Variants in NFATC2 observed in about 807,000 individuals in gnomAD.
NFATC2 encodes the protein nuclear factor of activated T cells 2, also known as nuclear factor of activated T-cells, cytoplasmic 2.
Under a neutral mutation model 87.3 loss-of-function variants are expected in NFATC2, and 22 were observed. That is an observed-to-expected ratio of 0.25 (90% confidence interval 0.18 to 0.36). The LOEUF (loss-of-function observed/expected upper bound fraction) is 0.36, where lower values mean the gene tolerates loss of function less well. Ranked by LOEUF, NFATC2 falls within the 10% of genes least tolerant of loss-of-function variation. NFATC2 has a pLI of 1.00. For missense variants in NFATC2, 1,149 were observed against 1,259.1 expected (o/e 0.91, Z 1.32); for synonymous variants, 565 against 542.2 (o/e 1.04, Z -0.58).
Position 51,470,145 on chromosome 20 carries a change from A to T in NFATC2, c.1708+3835T>A, listed in dbSNP as rs572395513. ...ATCATGGGTAGGCTTGTTGTTGGGG[A>T]AGACGGGGGTGATCCCTCTGACCTC... On this transcript the variant is annotated intron_variant, in intron 5 of 10. Coordinates refer to ENST00000371564, the MANE Select transcript of NFATC2 (RefSeq NM_012340.5). Among the ~76,000 whole-genome samples the T allele has an allele frequency of 6.6e-5, 10 of 152,086 alleles. No homozygotes were observed. The East Asian group carries it at 1.7e-3, about 26-fold the overall frequency.
chr20:51,415,245 C>CAAA (rs33978165), intron 9 of NFATC2, among the ~76,000 whole-genome samples: 1,976 of 136,490 alleles, frequency 0.014, 26 homozygotes, highest in South Asian at 0.028. Flanking sequence ...GACCCTGTAT[C>CAAA]AAAAAAAAAA....
At chr20:51,558,907 A>G (rs921877847) in intron 1 of NFATC2, among the ~76,000 whole-genome samples, 3 of 152,206 alleles carry the variant, frequency 2.0e-5, no homozygotes, top group Non-Finnish European at 2.9e-5. Context: ...GATAGTAGCA[A>G]TGTTACCTGG....
At chr20:51,482,331 T>C (rs1736977710) in intron 3 of NFATC2, among the ~76,000 whole-genome samples, 1 of 150,030 alleles carries the variant, frequency 6.7e-6, no homozygotes, top group Non-Finnish European at 1.5e-5. Flanking sequence ...GATACAAAGA[T>C]AAAAAGGCAT....
intron 1 of NFATC2, among the ~76,000 whole-genome samples, chr20:51,537,907 A>G (rs766585149): frequency 3.9e-4 from 59 of 152,234 alleles, no homozygotes; most frequent in Non-Finnish European, 4.8e-4. Context: ...TAAAATGGAT[A>G]ATTTCCCAGA....
At chr20:51,412,240 C>A (rs188639423) in intron 9 of NFATC2, among the ~76,000 whole-genome samples, 130 of 152,274 alleles carry the variant, frequency 8.5e-4, no homozygotes, top group African/African-American at 2.9e-3. Flanking sequence ...TGGTGTGAGC[C>A]CCCATGACTG....
At chr20:51,443,626 G>A (rs193250944) in intron 6 of NFATC2, among the ~76,000 whole-genome samples, 7 of 152,270 alleles carry the variant, frequency 4.6e-5, no homozygotes, top group Admixed American at 3.9e-4. Context: ...CAGAAGTTCC[G>A]TATAATCCAC....
At chr20:51,535,176 ATCC>A (rs1317265150) in intron 1 of NFATC2, among the ~76,000 whole-genome samples, 2 of 152,182 alleles carry the variant, frequency 1.3e-5, no homozygotes, top group Admixed American at 1.3e-4. Flanking sequence ...ACTTCAGATA[ATCC>A]TCCTGCAACA....
At chr20:51,477,533 GTCTATATATATA>G (rs1444366658) in intron 3 of NFATC2, among the ~76,000 whole-genome samples, 5 of 68,546 alleles carry the variant, frequency 7.3e-5, no homozygotes, top group South Asian at 5.1e-4. Context: ...GTGTGTGTGT[GTCTATATATATA>G]TATATATATA....
rs777397667 is a variant in NFATC2, at chr20:51,388,280, C to CTAGACACTTGAT, written c.*3204_*3215dup. 6.6e-6 allele frequency: 1 copy of CTAGACACTTGAT among 152,132 alleles called. No individual in the cohort carries two copies. Among genetic ancestry groups the CTAGACACTTGAT allele is most frequent in the Non-Finnish European group, 1.5e-5 (1 of 68,022 alleles). 9.4% of individuals were successfully genotyped at this position (152,132 alleles called of 1,614,324 possible). A position where few individuals can be genotyped will look rare whatever the true frequency, so the allele number is the denominator to read the frequency against. On this transcript the variant is annotated 3_prime_UTR_variant, in exon 11 of 11. Coordinates refer to ENST00000371564, the MANE Select transcript of NFATC2 (RefSeq NM_012340.5). ...AAATTAGTTATTTTGGGGGGAGGATCTAGACACTTGATGATTCTCAGTGAC... is the reference window on the plus strand; with the variant it reads ...AAATTAGTTATTTTGGGGGGAGGATCTAGACACTTGATTAGACACTTGATGATTCTCAGTGAC...
chr20:51,398,609 G>GAAAAC, intron 10 of NFATC2, 34 bp downstream of exon 10: 1 of 1,486,652 alleles, frequency 6.7e-7, no homozygotes, highest in Non-Finnish European at 9.2e-7. Flanking sequence ...CACACAGCTG[G>GAAAAC]AAAACAAAAG....
rs1382157627 is a variant in NFATC2, at chr20:51,390,340, T to C, written c.*1156A>G. The C allele has an allele frequency of 6.6e-6, 1 of 152,236 alleles. No homozygotes were observed. Among genetic ancestry groups the C allele is most frequent in the Admixed American group, 6.5e-5 (1 of 15,280 alleles). 9.4% of individuals were successfully genotyped at this position (152,236 alleles called of 1,614,324 possible). On this transcript the variant is annotated 3_prime_UTR_variant, in exon 11 of 11. Coordinates refer to ENST00000371564, the MANE Select transcript of NFATC2 (RefSeq NM_012340.5). ...GAGGGAATTCAGCCCTTTTCCTCTA[T>C]CTTGGTAGAAACCCACCTCCAGAAG...
chr20:51,463,171 C>A (rs1204292033), intron 5 of NFATC2, among the ~76,000 whole-genome samples: 1 of 152,240 alleles, frequency 6.6e-6, no homozygotes, highest in African/African-American at 2.4e-5. Context: ...GCAGGGCCAG[C>A]AGACAGGCCC....
chr20:51,400,145 C>A (rs951194876), intron 9 of NFATC2, among the ~76,000 whole-genome samples: 1 of 152,150 alleles, frequency 6.6e-6, no homozygotes, highest in Non-Finnish European at 1.5e-5. Flanking sequence ...AAACCAACAA[C>A]CTCCACTGCC....
At chr20:51,501,926 C>T (rs1349670977) in intron 3 of NFATC2, among the ~76,000 whole-genome samples, 1 of 152,210 alleles carries the variant, frequency 6.6e-6, no homozygotes, top group African/African-American at 2.4e-5. Flanking sequence ...CAAAAGCAAC[C>T]AGAGACAATA....
intron 3 of NFATC2, among the ~76,000 whole-genome samples, chr20:51,498,124 T>C (rs983759345): frequency 2.0e-5 from 3 of 152,186 alleles, no homozygotes; most frequent in African/African-American, 7.2e-5. Flanking sequence ...AGCTTGGGCA[T>C]GTCCTAGTGA....
rs745532502 is a variant in NFATC2, at chr20:51,523,221, G to A, written c.1020C>T (p.Gly340=). 3 of 1,613,730 alleles carry A rather than the reference G, an allele frequency of 1.9e-6. No individual in the cohort carries two copies. The highest frequency in any genetic ancestry group is 1.3e-5 in the African/African-American group (1 of 74,942). Residue 340 remains glycine (G), a synonymous_variant, in exon 2 of 11, where the codon GGC becomes GGT. Transcript: ENST00000371564. This position sits in a 1 kb window ranked among gnomAD's most constrained non-coding sequence, Gnocchi z 6.9. The part of the protein sequence containing the change: ...SPVSAAPSKA[G]LPRHIYPAVE... ...CGGCCGGGTAGATGTGGCGAGGCAG[G>A]CCGGCCTTGGATGGGGCGGCAGACA...
In NFATC2 at chr20:51,542,482, C is replaced by G. The variant is rs747114063; in HGVS notation, c.18G>C (p.Arg6=). ...CGTCCCCGCCGTCGGGTTGGGGCTG[C>G]CGCTCGGGGGCGTTCATGGCGCGCA... MNAPE[R]QPQPDGGDAP... The change falls in exon 1 of 11, where the codon CGG becomes CGC. Residue 6 remains arginine (R), a synonymous_variant. Coordinates refer to ENST00000371564, the MANE Select transcript of NFATC2 (RefSeq NM_012340.5). 2.6e-6 allele frequency: 4 copies of G among 1,553,178 alleles called. No individual in the cohort carries two copies. The highest frequency in any genetic ancestry group is 3.5e-6 in the Non-Finnish European group (4 of 1,155,642).
chr20:51,448,235 C>T (rs1985318697), intron 6 of NFATC2, among the ~76,000 whole-genome samples: 1 of 152,158 alleles, frequency 6.6e-6, no homozygotes, highest in African/African-American at 2.4e-5. Context: ...CAGAAGGTGA[C>T]AAGGTGTCTG....
chr20:51,429,800 A>G (rs545654647), intron 9 of NFATC2, among the ~76,000 whole-genome samples: 22 of 152,346 alleles, frequency 1.4e-4, no homozygotes, highest in South Asian at 2.1e-4. Flanking sequence ...ACCCTCCTTC[A>G]GAAAATAGCT....
Sources: gnomAD v4.1 joint callset for allele counts (sites outside exome capture counted in the v4.1 genomes callset) on GRCh38, gnomAD v4.1.1 for gene constraint, Gnocchi (gnomAD v3.1) non-coding constraint, MANE v1.5 for transcripts, NCBI Gene and HGNC (gene_info 2026-07-23, HGNC 2026-07-21) for gene names.